ADD2: variants seen among roughly 807,000 people sequenced by gnomAD.
The protein encoded by ADD2 is adducin 2, also known as beta-adducin.
In ADD2, 23 loss-of-function variants were observed where a neutral mutation model predicts 83.0. That is an observed-to-expected ratio of 0.28 (90% CI 0.20 to 0.39). ADD2 has a LOEUF of 0.39. Ranked by LOEUF, ADD2 falls within the 10% of genes least tolerant of loss-of-function variation. The pLI is 1.00. For missense variants in ADD2, 758 were observed against 944.9 expected, an observed-to-expected ratio of 0.80 and a Z score of 2.59; for synonymous variants, 375 against 375.4, an observed-to-expected ratio of 1.00 and a Z score of 0.01.
chr2:70,755,580 TTGAC>T lies in ADD2; in HGVS notation c.-154+12302_-154+12305del, dbSNP rs1432855005. The stretch of plus-strand genomic sequence containing the variant: ...ATAGAAGGTGTTCAGTAAACACTTG[TTGAC>T]TGACTGATGAGCTGGGTTGAACGAT... On this transcript the variant is annotated intron_variant, in intron 1 of 15. Coordinates refer to ENST00000264436, the MANE Select transcript of ADD2 (RefSeq NM_001617.4). Among the ~76,000 whole-genome samples, 11 of 152,334 alleles carry T rather than the reference TTGAC, an allele frequency of 7.2e-5. No homozygotes were observed. The East Asian group carries it at 1.2e-3, about 16-fold the overall frequency.
chr2:70,765,182 G>A (rs782379280), intron 1 of ADD2, among the ~76,000 whole-genome samples: 5 of 152,076 alleles, frequency 3.3e-5, no homozygotes, highest in East Asian at 3.9e-4. Context: ...GCGAAACCCC[G>A]TCTCTACTAA....
chr2:70,703,917 C>T lies in ADD2; in HGVS notation c.322+404G>A, dbSNP rs117601943. Among the ~76,000 whole-genome samples the T allele has an allele frequency of 4.3e-4, 66 of 152,160 alleles. 3 individuals are homozygous for T. In the East Asian group the frequency reaches 0.012, roughly 27 times the overall value. On this transcript the variant is annotated intron_variant, in intron 4 of 15. Coordinates refer to ENST00000264436, the MANE Select transcript of ADD2 (RefSeq NM_001617.4). ...ATTGAGGGGGAGTTATTTTTTGATG[C>T]TTGTGTTTTAAACGTTATGGGCAGA... is the stretch of plus-strand genomic sequence containing the variant.
chr2:70,762,232 AAAGAAGAAAGCTT>A (rs1440252403), intron 1 of ADD2, among the ~76,000 whole-genome samples: 1 of 151,928 alleles, frequency 6.6e-6, no homozygotes, highest in East Asian at 1.9e-4. Flanking sequence ...AAATGACGTA[AAAGAAGAAAGCTT>A]AAGAAGAAAG....
chr2:70,672,009 A>G (rs1669914362), intron 15 of ADD2, among the ~76,000 whole-genome samples: 2 of 152,164 alleles, frequency 1.3e-5, no homozygotes, highest in South Asian at 4.1e-4. Flanking sequence ...TATAATTCTT[A>G]TCCACTTTAT....
chr2:70,673,338 C>T (rs782229810), intron 14 of ADD2: 4 of 1,613,484 alleles, frequency 2.5e-6, no homozygotes, highest in Non-Finnish European at 2.5e-6. Context: ...TGAAGAGAAC[C>T]AGCCAGGAGC....
chr2:70,763,894 CTT>C (rs879960315), intron 1 of ADD2, among the ~76,000 whole-genome samples: 2 of 145,868 alleles, frequency 1.4e-5, no homozygotes. Flanking sequence ...ATTTTCTTTT[CTT>C]TTTTTTTTTG....
At chr2:70,688,175 A>T in intron 8 of ADD2, 53 bp from the exon 9 acceptor site, 3 of 1,461,044 alleles carry the variant, frequency 2.1e-6, no homozygotes, top group Non-Finnish European at 2.9e-6. Flanking sequence ...AACTTTAGTT[A>T]AGAGGGAGAG....
Position 70,663,470 on chromosome 2 carries a change from G to A in ADD2, c.2136C>T (p.Pro712=). 1.2e-6 allele frequency: 2 copies of A among 1,614,060 alleles called. No homozygotes were observed. Among genetic ancestry groups the A allele is most frequent in the South Asian group, 2.2e-5 (2 of 91,080 alleles). ...PSKKKKKFRT[P]SFLKKSKKKE... ...TCTTTTTGCTCTTTTTCAGGAAGGAGGGGGTTCGGAATTTCTTTTTCTTCT... is the reference window on the plus strand; with the variant it reads ...TCTTTTTGCTCTTTTTCAGGAAGGAAGGGGTTCGGAATTTCTTTTTCTTCT... Residue 712 remains proline (P), a synonymous_variant, in exon 16 of 16, where the codon CCC becomes CCT. Transcript: ENST00000264436.
Position 70,692,456 on chromosome 2 carries a change from C to T in ADD2, c.652G>A (p.Ala218Thr), listed in dbSNP as rs868955326. Reference protein sequence around the residue: ...GFCLHSAIYAARPDVRCIIHL... With the variant: ...GFCLHSAIYATRPDVRCIIHL... ...ATGATGCAGCGCACGTCGGGCCTCG[C>T]TGCATAGATGGCCGAGTGCAGACAG... Residue 218 changes from alanine (A) to threonine (T), a missense_variant, in exon 7 of 16, where the codon GCG (alanine) becomes ACG (threonine). Physicochemically the swap from Ala to Thr is moderately conservative, Grantham distance 58. Coordinates refer to ENST00000264436, the MANE Select transcript of ADD2 (RefSeq NM_001617.4). 3 of 1,612,372 alleles carry T rather than the reference C, an allele frequency of 1.9e-6. No homozygotes were observed. In the African/African-American group the frequency reaches 4.0e-5, roughly 22 times the overall value.
chr2:70,661,283 G>A lies in ADD2; in HGVS notation c.*2142C>T, dbSNP rs994241755. 1.3e-5 allele frequency: 2 copies of A among 152,172 alleles called. No individual in the cohort carries two copies. Among genetic ancestry groups the A allele is most frequent in the Non-Finnish European group, 2.9e-5 (2 of 68,030 alleles). The allele number at this position is 152,172 out of a possible 1,614,324, so 9.4% of individuals were successfully genotyped here. On this transcript the variant is annotated 3_prime_UTR_variant, in exon 16 of 16. Transcript: ENST00000264436. Reference sequence around the variant, plus strand: ...GTCATAATGATGGCTCTCTTTCAACGTCAGCATAATGCCTGGTGCTCAGTG... The same window carrying A: ...GTCATAATGATGGCTCTCTTTCAACATCAGCATAATGCCTGGTGCTCAGTG...
intron 1 of ADD2, among the ~76,000 whole-genome samples, chr2:70,714,381 G>A (rs1349672628): frequency 6.6e-6 from 1 of 152,080 alleles, no homozygotes; most frequent in African/African-American, 2.4e-5. Flanking sequence ...GAAGAGACTC[G>A]TCCCACCAAT....
Position 70,702,864 on chromosome 2 carries a change from C to T in ADD2, c.322+1457G>A, listed in dbSNP as rs184116869. The stretch of plus-strand genomic sequence containing the variant: ...AGTCAGGGGCGGGCACGGTGGCTCA[C>T]GTCTGTAATGCTAACACTTTGGGAG... On this transcript the variant is annotated intron_variant, in intron 4 of 15. Coordinates refer to ENST00000264436, the MANE Select transcript of ADD2 (RefSeq NM_001617.4). Among the ~76,000 whole-genome samples the T allele has an allele frequency of 1.9e-3, 294 of 152,194 alleles. 2 individuals carry two copies. The highest frequency in any genetic ancestry group is 0.017 in the Admixed American group (257 of 15,280).
intron 1 of ADD2, among the ~76,000 whole-genome samples, chr2:70,753,182 C>T (rs1480202372): frequency 2.6e-5 from 4 of 152,082 alleles, no homozygotes; most frequent in African/African-American, 9.7e-5. Flanking sequence ...GTATTCCAGG[C>T]CAGATAATCC....
chr2:70,676,512 A>G lies in ADD2; in HGVS notation c.1593+284T>C. On this transcript the variant is annotated intron_variant, in intron 13 of 15. Transcript: ENST00000264436. The surrounding 1 kb of genome is among the most constrained non-coding windows in gnomAD (Gnocchi z 4.8). The stretch of plus-strand genomic sequence containing the variant: ...GGGGTAGTAAGGGAGGACAGAGTGG[A>G]GTTCCATGGCAGGAGGTACGGAAGC... The G allele has an allele frequency of 7.3e-7, 1 of 1,374,832 alleles. No homozygotes were observed. Among genetic ancestry groups the G allele is most frequent in the Non-Finnish European group, 9.4e-7 (1 of 1,060,658 alleles). The allele number at this position is 1,374,832 out of a possible 1,614,324, so 85.2% of individuals were successfully genotyped here. A position where few individuals can be genotyped will look rare whatever the true frequency, so the allele number is the denominator to read the frequency against.
intron 1 of ADD2, among the ~76,000 whole-genome samples, chr2:70,752,744 T>C (rs1373931896): frequency 6.6e-6 from 1 of 152,194 alleles, no homozygotes; most frequent in African/African-American, 2.4e-5. Flanking sequence ...CTGTAAGACA[T>C]GCATGTAGAA....
In ADD2 at chr2:70,725,983, C is replaced by A. The variant is rs554492717; in HGVS notation, c.-153-12799G>T. On this transcript the variant is annotated intron_variant, in intron 1 of 15. Coordinates refer to ENST00000264436, the MANE Select transcript of ADD2 (RefSeq NM_001617.4). Reference sequence around the variant, plus strand: ...CGGGCGGATCACGAGGTCAGGAGATCGAGACCATCCCGGCTAAAACGGTGA... The same window carrying A: ...CGGGCGGATCACGAGGTCAGGAGATAGAGACCATCCCGGCTAAAACGGTGA... 7.5e-3 allele frequency among the ~76,000 whole-genome samples: 1,142 copies of A among 151,856 alleles called. 5 individuals carry two copies. Among genetic ancestry groups the A allele is most frequent in the Non-Finnish European group, 0.012 (832 of 67,938 alleles).
At position 70,717,267 on chromosome 2, in the gene ADD2, C is replaced by A. The variant is rs187289443; in HGVS notation, c.-153-4083G>T. 5.3e-5 allele frequency among the ~76,000 whole-genome samples: 8 copies of A among 152,304 alleles called. No homozygotes were observed. In the East Asian group the frequency reaches 1.5e-3, roughly 29 times the overall value. On this transcript the variant is annotated intron_variant, in intron 1 of 15. Transcript: ENST00000264436. Reference sequence around the variant, plus strand: ...ATCTTCTTCCCTGTCCCACTGAAGACCAAGTACATGTAACCACTGGAGTAT... The same window carrying A: ...ATCTTCTTCCCTGTCCCACTGAAGAACAAGTACATGTAACCACTGGAGTAT...
At chr2:70,699,198 T>C (rs1323949204) in intron 4 of ADD2, among the ~76,000 whole-genome samples, 1 of 152,044 alleles carries the variant, frequency 6.6e-6, no homozygotes, top group Non-Finnish European at 1.5e-5. Context: ...AGCCCGGCTA[T>C]AGATAAGCCA....
At chr2:70,674,637 T>C (rs1553367823) in intron 14 of ADD2, 41 bp downstream of exon 14, 5 of 1,594,596 alleles carry the variant, frequency 3.1e-6, no homozygotes, top group Non-Finnish European at 3.4e-6. Flanking sequence ...CCCTCCACCC[T>C]GGGGGACTTG....
Sources: gnomAD v4.1 joint callset for allele counts (sites outside exome capture counted in the v4.1 genomes callset) on GRCh38, gnomAD v4.1.1 for gene constraint, Gnocchi (gnomAD v3.1) non-coding constraint, MANE v1.5 for transcripts, NCBI Gene and HGNC (gene_info 2026-07-23, HGNC 2026-07-21) for gene names.